The following ZNF469 variants were observed in gnomAD, a reference collection of about 807,000 sequenced individuals.
ZNF469 encodes the protein zinc finger protein 469.
A neutral mutation model predicts 1.0 loss-of-function variants in ZNF469; 1 was observed. The ratio of observed to expected loss-of-function variants is 1.00; its 90% CI spans 0.35 to 4.73. The LOEUF (loss-of-function observed/expected upper bound fraction) is 4.73. Ranked by LOEUF, ZNF469 falls within the 30% of genes most tolerant of loss-of-function variation. The pLI, the probability that ZNF469 is intolerant of heterozygous loss-of-function variation, is 0.16. For missense variants in ZNF469, 6,100 were observed against 5,356.3 expected (o/e 1.14, Z -4.33); for synonymous variants, 2,703 against 2,363.4 (o/e 1.14, Z -4.17).
the ZNF469 span, among the ~76,000 whole-genome samples, chr16:88,249,429 C>CTTTTTTTTTTTTTTTTTTTTTT: frequency 1.3e-4 from 8 of 63,632 alleles, no homozygotes; most frequent in African/African-American, 4.2e-4. Context: ...TTTTCTTTTT[C>CTTTTTTTTTTTTTTTTTTTTTT]TTTTTTTTTT....
the ZNF469 span, among the ~76,000 whole-genome samples, chr16:88,313,937 G>C: frequency 4.7e-5 from 7 of 150,454 alleles, no homozygotes; most frequent in African/African-American, 1.7e-4. Context: ...TGCTGATGTG[G>C]GCTGTCTCTG....
At chr16:88,123,253 C>T in the ZNF469 span, among the ~76,000 whole-genome samples, 45 of 152,068 alleles carry the variant, frequency 3.0e-4, no homozygotes, top group African/African-American at 4.8e-5. Context: ...TCCATGGAGT[C>T]GGGCAGCATG....
the ZNF469 span, among the ~76,000 whole-genome samples, chr16:88,374,755 G>T: frequency 3.3e-5 from 5 of 152,194 alleles, no homozygotes; most frequent in African/African-American, 1.2e-4. Context: ...TGTGCTGTGG[G>T]CTGAGATCGG....
chr16:88,432,009 C>T lies in ZNF469; in HGVS notation c.4539C>T (p.Ser1513=), dbSNP rs566977919. 1 of 1,550,238 alleles carries T rather than the reference C, an allele frequency of 6.5e-7. No homozygotes were observed. The highest frequency in any genetic ancestry group is 1.2e-5 in the South Asian group (1 of 84,062). ...LLEEVSPMLP[S]HFPDLSGGKV... is the part of the protein sequence containing the mutation. ...AGGAAGTATCCCCGATGCTGCCTAG[C>T]CATTTTCCTGATCTCTCGGGGGGAA... Residue 1513 remains serine, a synonymous_variant, in exon 3 of 3, where the codon AGC becomes AGT. Coordinates refer to ENST00000565624, the MANE Select transcript of ZNF469 (RefSeq NM_001367624.2).
At chr16:88,273,875 G>A in the ZNF469 span, among the ~76,000 whole-genome samples, 1 of 149,532 alleles carries the variant, frequency 6.7e-6, no homozygotes, top group Non-Finnish European at 1.5e-5. Flanking sequence ...CGCGATCTCG[G>A]CTCACTGCAA....
At chr16:88,405,766 C>T (rs886612743) in intron 1 of ZNF469, among the ~76,000 whole-genome samples, 5 of 152,296 alleles carry the variant, frequency 3.3e-5, no homozygotes, top group East Asian at 3.9e-4. Flanking sequence ...GCGTCTGTCC[C>T]GGTCATAGCC....
At chr16:88,103,678 G>A in the ZNF469 span, among the ~76,000 whole-genome samples, 1 of 152,116 alleles carries the variant, frequency 6.6e-6, no homozygotes, top group African/African-American at 2.4e-5. Flanking sequence ...GGGGGCGGTA[G>A]AATAATCCTC....
chr16:88,388,255 A>G (rs1454528229), intron 1 of ZNF469, among the ~76,000 whole-genome samples: 5 of 152,244 alleles, frequency 3.3e-5, no homozygotes, highest in Admixed American at 3.3e-4. Flanking sequence ...CCGGTGGGCC[A>G]GAGCCAGAGG....
At chr16:88,236,267 G>A in the ZNF469 span, among the ~76,000 whole-genome samples, 4 of 152,332 alleles carry the variant, frequency 2.6e-5, no homozygotes, top group South Asian at 2.1e-4. Flanking sequence ...ACAGCTTTGC[G>A]GGGCCGTTTA....
the ZNF469 span, among the ~76,000 whole-genome samples, chr16:88,318,226 A>G: frequency 3.3e-5 from 5 of 152,188 alleles, no homozygotes; most frequent in Non-Finnish European, 7.4e-5. Flanking sequence ...GGCGCGTTCC[A>G]TGGAGCTGCG....
In ZNF469 at chr16:88,411,400, C is replaced by G. The variant is rs555496923; in HGVS notation, c.-191-13407C>G. 4.7e-5 allele frequency among the ~76,000 whole-genome samples: 7 copies of G among 147,518 alleles called. No individual in the cohort carries two copies. In the East Asian group the frequency reaches 1.2e-3, roughly 25 times the overall value. ...GGCAGGGGTGGTGGGGCAGCAGGGG[C>G]AAGGCCAGGAGGTGTGTATGCTTGG... On this transcript the variant is annotated intron_variant, in intron 1 of 2. Coordinates refer to ENST00000565624, the MANE Select transcript of ZNF469 (RefSeq NM_001367624.2).
chr16:88,147,307 C>T, the ZNF469 span, among the ~76,000 whole-genome samples: 26,270 of 152,100 alleles, frequency 0.17, 2,787 homozygotes, highest in East Asian at 0.5. Context: ...GTGCCCTCAC[C>T]GTAGCCCAGG....
In ZNF469 at chr16:88,433,517, C is replaced by T. The variant is rs1472673708; in HGVS notation, c.6047C>T (p.Ala2016Val). 1.9e-5 allele frequency: 29 copies of T among 1,550,178 alleles called. No homozygotes were observed. The highest frequency in any genetic ancestry group is 2.5e-5 in the Non-Finnish European group (29 of 1,146,900). ...AGCCCAGGGGGCACGGACAACCACGCCTCAGTCAATGCCAGTCCCAAAACA... is the reference window on the plus strand; with the variant it reads ...AGCCCAGGGGGCACGGACAACCACGTCTCAGTCAATGCCAGTCCCAAAACA... ...GVSPGGTDNH[A>V]SVNASPKTAL... The change falls in exon 3 of 3, where the codon GCC (alanine) becomes GTC (valine). Residue 2016 changes from alanine to valine, a missense_variant. Ala to Val is a moderately conservative substitution (Grantham distance 64, BLOSUM62 0). Transcript: ENST00000565624.
chr16:88,103,289 T>A, the ZNF469 span, among the ~76,000 whole-genome samples: 1 of 152,164 alleles, frequency 6.6e-6, no homozygotes, highest in African/African-American at 2.4e-5. Context: ...GTCCTGTTTG[T>A]CCCCACAGCA....
the ZNF469 span, among the ~76,000 whole-genome samples, chr16:88,264,320 C>A: frequency 6.6e-6 from 1 of 152,006 alleles, no homozygotes; most frequent in Non-Finnish European, 1.5e-5. Context: ...TCAACTCCCA[C>A]GTATTCCTGG....
the ZNF469 span, among the ~76,000 whole-genome samples, chr16:88,267,423 G>T: frequency 6.6e-6 from 1 of 152,246 alleles, no homozygotes; most frequent in Non-Finnish European, 1.5e-5. Context: ...ACACAGAAGT[G>T]CTGTCCGTTC....
the ZNF469 span, among the ~76,000 whole-genome samples, chr16:88,281,076 G>C: frequency 2.0e-5 from 3 of 151,474 alleles, no homozygotes; most frequent in African/African-American, 7.3e-5. Flanking sequence ...TCACAGGTTA[G>C]TGCTGTGCCA....
chr16:88,193,245 GGT>G, the ZNF469 span, among the ~76,000 whole-genome samples: 1 of 147,378 alleles, frequency 6.8e-6, no homozygotes, highest in African/African-American at 2.5e-5. Flanking sequence ...TGGTGGTGGT[GGT>G]GATGGTGGTG....
At chr16:88,160,516 G>A in the ZNF469 span, among the ~76,000 whole-genome samples, 2 of 152,142 alleles carry the variant, frequency 1.3e-5, no homozygotes, top group East Asian at 1.9e-4. Flanking sequence ...TCTTTTCTGC[G>A]GGTGCGGGAG....
Sources: gnomAD v4.1 joint callset for allele counts (sites outside exome capture counted in the v4.1 genomes callset) on GRCh38, gnomAD v4.1.1 for gene constraint, MANE v1.5 for transcripts, NCBI Gene and HGNC (gene_info 2026-07-23, HGNC 2026-07-21) for gene names.